EXOSC7: variants seen among roughly 807,000 people sequenced by gnomAD.
EXOSC7 encodes exosome complex component RRP42.
A neutral mutation model predicts 34.3 loss-of-function variants in EXOSC7; 25 were observed. The observed-to-expected ratio is 0.73, with a 90% CI of 0.53 to 1.02. EXOSC7 has a LOEUF of 1.02. Ranked by LOEUF, EXOSC7 falls within the 50% of genes least tolerant of loss-of-function variation. EXOSC7 has a pLI of 0.00. For missense variants in EXOSC7, 370 were observed against 368.5 expected (o/e 1.00, Z -0.03); for synonymous variants, 130 against 143.0 (o/e 0.91, Z 0.65).
chr3:44,976,338 G>C lies in EXOSC7; in HGVS notation c.57+4G>C. 2 of 1,569,502 alleles carry C rather than the reference G, an allele frequency of 1.3e-6. No homozygotes were observed. The highest frequency in any genetic ancestry group is 1.7e-6 in the Non-Finnish European group (2 of 1,163,572). On this transcript the variant is annotated splice_donor_region_variant and intron_variant, in intron 1 of 7. Coordinates refer to ENST00000265564, the MANE Select transcript of EXOSC7 (RefSeq NM_015004.4). ...GTACATCGTGCATGGCGTCCAGGTAGCTACAGCAGCGGCGTTGGGTCGGCC... is the reference window on the plus strand; with the variant it reads ...GTACATCGTGCATGGCGTCCAGGTACCTACAGCAGCGGCGTTGGGTCGGCC...
In EXOSC7 at chr3:44,997,139, A is replaced by G. The variant is rs777099237; in HGVS notation, c.307A>G (p.Thr103Ala). The change falls in exon 4 of 8, where the codon ACC becomes GCC. Residue 103 changes from threonine (T) to alanine (A), a missense_variant. Thr to Ala is a moderately conservative substitution (Grantham distance 58). Around this residue, in one of 3 missense-constraint regions of EXOSC7, gnomAD observed 255 missense variants for 246.4 expected, o/e 1.03. Transcript: ENST00000265564. ...AGGTAGAGGAGGTGATGACCTTGGC[A>G]CCGAGATCGCTAACACCCTCTATCG... ...FEGRGGDDLG[T>A]EIANTLYRIF... 2 of 1,613,998 alleles carry G rather than the reference A, an allele frequency of 1.2e-6. No homozygotes were observed. Among genetic ancestry groups the G allele is most frequent in the Non-Finnish European group, 1.7e-6 (2 of 1,179,998 alleles).
chr3:45,001,402 C>G (rs765099309), intron 4 of EXOSC7, 136 bp from the exon 5 acceptor site: 1 of 674,712 alleles, frequency 1.5e-6, no homozygotes. Flanking sequence ...AAGATTGCAC[C>G]ACTGCACTCC....
intron 7 of EXOSC7, 24 bp downstream of exon 7, chr3:45,007,599 G>A (rs747701610): frequency 1.9e-6 from 3 of 1,575,634 alleles, no homozygotes; most frequent in Non-Finnish European, 2.6e-6. Context: ...TCTGAGGAAG[G>A]TGCAGGGACC....
At chr3:44,996,060 T>G (rs1418835062) in intron 3 of EXOSC7, among the ~76,000 whole-genome samples, 2 of 152,178 alleles carry the variant, frequency 1.3e-5, no homozygotes, top group East Asian at 3.9e-4. Context: ...CCTACCTCAC[T>G]GGAACTGCTG....
In EXOSC7 at chr3:44,978,285, C is replaced by T. The variant is rs1706177878; in HGVS notation, c.57+1951C>T. On this transcript the variant is annotated intron_variant, in intron 1 of 7. Transcript: ENST00000265564. ...ACCAGCTTGGGCAACACAGTGAGAGCCCATCTCTAAAGAAATAATTTTTTT... is the reference window on the plus strand; with the variant it reads ...ACCAGCTTGGGCAACACAGTGAGAGTCCATCTCTAAAGAAATAATTTTTTT... 2.0e-5 allele frequency among the ~76,000 whole-genome samples: 3 copies of T among 152,216 alleles called. No individual in the cohort carries two copies. The South Asian group carries it at 6.2e-4, about 32-fold the overall frequency.
intron 5 of EXOSC7, 115 bp downstream of exon 5, chr3:45,001,723 T>C: frequency 1.3e-6 from 1 of 766,252 alleles, no homozygotes; most frequent in Middle Eastern, 2.3e-4. Context: ...CAGGGGGTTT[T>C]AACATTGAAA....
intron 3 of EXOSC7, among the ~76,000 whole-genome samples, chr3:44,993,992 A>G (rs983356140): frequency 2.6e-5 from 4 of 152,202 alleles, no homozygotes; most frequent in African/African-American, 9.7e-5. Flanking sequence ...GTTAGACTAT[A>G]AACCAAGCTT....
At chr3:44,990,243 T>TA (rs1291294310) in intron 3 of EXOSC7, among the ~76,000 whole-genome samples, 2 of 151,948 alleles carry the variant, frequency 1.3e-5, no homozygotes, top group African/African-American at 2.4e-5. Flanking sequence ...TTTCTTCATC[T>TA]AAAAAATGAG....
At chr3:44,991,388 G>A (rs190420309) in intron 3 of EXOSC7, among the ~76,000 whole-genome samples, 1 of 152,230 alleles carries the variant, frequency 6.6e-6, no homozygotes, top group African/African-American at 2.4e-5. Flanking sequence ...GTTCTTGGAG[G>A]AAGCAGAATG....
chr3:45,008,266 T>C (rs967354644), intron 7 of EXOSC7, among the ~76,000 whole-genome samples: 1 of 152,230 alleles, frequency 6.6e-6, no homozygotes, highest in Admixed American at 6.5e-5. Context: ...ATTGACTGAC[T>C]GAACTTCCAG....
intron 5 of EXOSC7, among the ~76,000 whole-genome samples, chr3:45,003,360 T>A (rs1706939859): frequency 7.0e-6 from 1 of 142,160 alleles, no homozygotes; most frequent in African/African-American, 3.0e-5. Flanking sequence ...CGTGTGTGTG[T>A]GTATGTGTGT....
chr3:44,993,256 GAGGCTTCT>G (rs1047395072), intron 3 of EXOSC7, among the ~76,000 whole-genome samples: 4 of 152,140 alleles, frequency 2.6e-5, no homozygotes. Flanking sequence ...CATTTACAGG[GAGGCTTCT>G]ACAGGCTCAG....
At chr3:44,999,629 C>T (rs2125969767) in intron 4 of EXOSC7, among the ~76,000 whole-genome samples, 1 of 151,962 alleles carries the variant, frequency 6.6e-6, no homozygotes. Flanking sequence ...GTGGAGGTTG[C>T]AGTGAGCCGA....
intron 5 of EXOSC7, among the ~76,000 whole-genome samples, chr3:45,003,179 G>A (rs1226065732): frequency 1.3e-5 from 2 of 152,170 alleles, no homozygotes; most frequent in South Asian, 2.1e-4. Flanking sequence ...AAGGAATGGG[G>A]ACTCTAAGGC....
chr3:45,005,433 G>T lies in EXOSC7; in HGVS notation c.615+19G>T, dbSNP rs751862957. 6.2e-7 allele frequency: 1 copy of T among 1,610,416 alleles called. No individual in the cohort carries two copies. The highest frequency in any genetic ancestry group is 8.5e-7 in the Non-Finnish European group (1 of 1,177,162). ...GTGCAAGGTATAACTTGTATTTTATGGTTTTTGTCTTCCCTGTGGGTGTGG... is the reference window on the plus strand; with the variant it reads ...GTGCAAGGTATAACTTGTATTTTATTGTTTTTGTCTTCCCTGTGGGTGTGG... On this transcript the variant is annotated intron_variant, in intron 6 of 7. Coordinates refer to ENST00000265564, the MANE Select transcript of EXOSC7 (RefSeq NM_015004.4).
chr3:44,989,728 G>C (rs1215121313), intron 3 of EXOSC7, 84 bp downstream of exon 3: 1 of 1,089,222 alleles, frequency 9.2e-7, no homozygotes, highest in East Asian at 2.6e-5. Flanking sequence ...GTTTGCTGTT[G>C]AACCCACTTT....
At chr3:45,011,505 C>G (rs978828642), downstream of EXOSC7, 1 of 520,106 alleles carries the variant, frequency 1.9e-6, no homozygotes, top group African/African-American at 2.0e-5. Context: ...TCAGTTGAAG[C>G]CAAGGCACCA....
At chr3:44,982,006 T>G (rs1706283756) in intron 1 of EXOSC7, among the ~76,000 whole-genome samples, 1 of 152,230 alleles carries the variant, frequency 6.6e-6, no homozygotes, top group African/African-American at 2.4e-5. Flanking sequence ...TGTGTGGCTG[T>G]CTGTCTTTAT....
intron 5 of EXOSC7, among the ~76,000 whole-genome samples, chr3:45,002,994 A>G (rs566924639): frequency 7.0e-4 from 107 of 152,180 alleles, no homozygotes; most frequent in Non-Finnish European, 1.1e-3. Flanking sequence ...TGGTTCCTAT[A>G]GGCACCCAGG....
Sources: allele counts gnomAD v4.1 joint callset (sites outside exome capture counted in the v4.1 genomes callset), GRCh38; gene constraint gnomAD v4.1.1; regional missense constraint gnomAD v4.1.1; transcripts MANE v1.5; gene names NCBI Gene and HGNC (gene_info 2026-07-23, HGNC 2026-07-21).